ANK3: variants seen among roughly 807,000 people sequenced by gnomAD.
ANK3 encodes the protein ankyrin-3.
ANK3 carries 57 observed loss-of-function variants against 370.9 expected under a neutral mutation model. The observed-to-expected ratio is 0.15, with a 90% CI of 0.12 to 0.19. ANK3 has a LOEUF of 0.19. Among genes scored for constraint, ANK3 ranks in the 10% least tolerant of loss-of-function variants. The pLI is 1.00. For synonymous variants in ANK3, 1,929 were observed against 1,946.3 expected, an observed-to-expected ratio of 0.99 and a Z score of 0.23; for missense variants, 4,439 against 5,302.1, an observed-to-expected ratio of 0.84 and a Z score of 5.06.
rs2076945606 is a variant in ANK3, at chr10:60,545,580, G to A, written c.96+69606C>T. On this transcript the variant is annotated intron_variant, in intron 2 of 43. Transcript: ENST00000373827. ...GCCTGCAAGTATGATGGCAAGAACA[G>A]TTCTTGTAATTCTCATGAATGTGTA... Among the ~76,000 whole-genome samples the A allele has an allele frequency of 2.6e-5, 4 of 151,972 alleles. No individual in the cohort carries two copies. In the South Asian group the frequency reaches 8.3e-4, roughly 32 times the overall value.
At chr10:60,338,686 T>C (rs1191018240) in intron 1 of ANK3, among the ~76,000 whole-genome samples, 2 of 152,168 alleles carry the variant, frequency 1.3e-5, no homozygotes, top group Non-Finnish European at 2.9e-5. Context: ...TAGAGGAGAC[T>C]GGGCTGAAAG....
chr10:60,209,344 T>C (rs939291923), intron 9 of ANK3, among the ~76,000 whole-genome samples: 2 of 152,214 alleles, frequency 1.3e-5, no homozygotes, highest in African/African-American at 4.8e-5. Context: ...AGCCAAGTTA[T>C]TTGCTCTGAA....
chr10:60,718,096 T>C (rs1050026461), intron 1 of ANK3, among the ~76,000 whole-genome samples: 17 of 152,280 alleles, frequency 1.1e-4, no homozygotes, highest in Non-Finnish European at 2.2e-4. Flanking sequence ...GAGACTCAGC[T>C]GCTGTGATTA....
At chr10:60,524,034 T>C (rs2076411909) in intron 2 of ANK3, among the ~76,000 whole-genome samples, 2 of 152,100 alleles carry the variant, frequency 1.3e-5, no homozygotes, top group South Asian at 4.1e-4. Context: ...GCTCTGGTGC[T>C]CTTATACTCA....
intron 2 of ANK3, among the ~76,000 whole-genome samples, chr10:60,448,099 T>A (rs1232668238): frequency 6.6e-6 from 1 of 152,118 alleles, no homozygotes; most frequent in Non-Finnish European, 1.5e-5. Context: ...TTCATACACC[T>A]GAGAATCCAG....
chr10:60,055,890 C>G lies in ANK3; in HGVS notation c.12833G>C (p.Ser4278Thr). ...PESQNDVGKQ[S>T]TKETLKPKIH... ...TTTTGGTTTCAGAGTTTCCTTGGTA[C>G]TCTGTTTTCCTACATCATTTTGGGA... Residue 4278 changes from serine (S) to threonine (T), a missense_variant, in exon 42 of 44, where the codon AGT becomes ACT. Ser to Thr is a moderately conservative substitution (Grantham distance 58, BLOSUM62 1). This residue lies in a region of ANK3 where 242 missense variants were observed against 228.0 expected (regional missense o/e 1.06). Transcript: ENST00000280772. 2 of 1,614,164 alleles carry G rather than the reference C, an allele frequency of 1.2e-6. No individual in the cohort carries two copies. The highest frequency in any genetic ancestry group is 1.7e-6 in the Non-Finnish European group (2 of 1,180,024).
chr10:60,581,020 T>C (rs1315993414), intron 2 of ANK3, among the ~76,000 whole-genome samples: 1 of 152,224 alleles, frequency 6.6e-6, no homozygotes. Flanking sequence ...TAAACATGCA[T>C]AGCCTGTAAG....
At chr10:60,488,061 C>T (rs1379703317) in intron 2 of ANK3, among the ~76,000 whole-genome samples, 1 of 151,982 alleles carries the variant, frequency 6.6e-6, no homozygotes, top group African/African-American at 2.4e-5. Context: ...GAATAGAAGT[C>T]AGGTTGAGTG....
intron 8 of ANK3, among the ~76,000 whole-genome samples, chr10:60,224,600 C>G (rs766016056): frequency 1.3e-4 from 20 of 152,040 alleles, no homozygotes; most frequent in Non-Finnish European, 2.6e-4. Flanking sequence ...GAAATATTTT[C>G]AAGAAGAGAC....
At chr10:60,337,443 T>C (rs1229724615) in intron 1 of ANK3, among the ~76,000 whole-genome samples, 1 of 152,036 alleles carries the variant, frequency 6.6e-6, no homozygotes. Context: ...TCCCACCATT[T>C]CTCCTTTCTC....
At chr10:60,442,252 C>G (rs1350657733) in intron 2 of ANK3, among the ~76,000 whole-genome samples, 2 of 151,972 alleles carry the variant, frequency 1.3e-5, no homozygotes, top group South Asian at 2.1e-4. Flanking sequence ...CACGCCACCA[C>G]GCCTGGCTAA....
At chr10:60,579,326 T>TAAAAA (rs763281984) in intron 2 of ANK3, among the ~76,000 whole-genome samples, 20 of 68,982 alleles carry the variant, frequency 2.9e-4, no homozygotes, top group Non-Finnish European at 4.0e-4. Context: ...TCTCTCTCAA[T>TAAAAA]AAAAAAAAAA....
chr10:60,698,723 A>T (rs1265580821), intron 1 of ANK3, among the ~76,000 whole-genome samples: 3 of 114,052 alleles, frequency 2.6e-5, no homozygotes, highest in African/African-American at 1.0e-4. Flanking sequence ...GGACACAGGA[A>T]GGGGAACATC....
rs77326228 is a variant in ANK3 at position 60,495,121 on chromosome 10, G to T, written c.96+120065C>A. 1.1e-3 allele frequency among the ~76,000 whole-genome samples: 174 copies of T among 152,294 alleles called. 1 individual carries two copies. Among genetic ancestry groups the T allele is most frequent in the Non-Finnish European group, 2.0e-3 (139 of 68,008 alleles). On this transcript the variant is annotated intron_variant, in intron 2 of 43. Coordinates refer to the ANK3 transcript ENST00000373827. Reference sequence around the variant, plus strand: ...AGAAATGTTCACAAAGTAGCAAAAAGTTCAGGTCAACAGCAAAGTACAATT... The same window carrying T: ...AGAAATGTTCACAAAGTAGCAAAAATTTCAGGTCAACAGCAAAGTACAATT...
intron 2 of ANK3, among the ~76,000 whole-genome samples, chr10:60,576,029 G>A (rs2077678068): frequency 6.6e-6 from 1 of 152,150 alleles, no homozygotes; most frequent in South Asian, 2.1e-4. Flanking sequence ...AATGTTAAAT[G>A]TTAACTACTT....
chr10:60,724,555 A>G (rs2079914658), intron 1 of ANK3, among the ~76,000 whole-genome samples: 1 of 152,214 alleles, frequency 6.6e-6, no homozygotes, highest in South Asian at 2.1e-4. Context: ...TACTTTAAGT[A>G]TCACTTTAGA....
intron 1 of ANK3, among the ~76,000 whole-genome samples, chr10:60,292,691 A>G (rs954940359): frequency 6.7e-6 from 1 of 149,052 alleles, no homozygotes; most frequent in African/African-American, 2.5e-5. Context: ...ACATAAAGCC[A>G]CTGGGGTCCT....
At chr10:60,391,602 G>A (rs1329486328), upstream of ANK3, among the ~76,000 whole-genome samples, 15 of 152,158 alleles carry the variant, frequency 9.9e-5, no homozygotes, top group Non-Finnish European at 1.2e-4. Context: ...AAAAGCTGGC[G>A]TCTTTCCCAC....
At chr10:60,516,681 C>T (rs1305610094) in intron 2 of ANK3, among the ~76,000 whole-genome samples, 1 of 152,102 alleles carries the variant, frequency 6.6e-6, no homozygotes, top group Non-Finnish European at 1.5e-5. Context: ...CCCAGAGGAT[C>T]ACTTGAGCCC....
Sources: allele counts gnomAD v4.1 joint callset (sites outside exome capture counted in the v4.1 genomes callset), GRCh38; gene constraint gnomAD v4.1.1; regional missense constraint gnomAD v4.1.1; transcripts MANE v1.5; gene names NCBI Gene and HGNC (gene_info 2026-07-23, HGNC 2026-07-21).